The following F8 variants were observed in gnomAD, a reference collection of about 807,000 sequenced individuals.
F8 encodes the protein antihemophilic factor.
A neutral mutation model predicts 140.6 loss-of-function variants in F8; 12 were observed. The ratio of observed to expected loss-of-function variants is 0.09; its 90% CI spans 0.05 to 0.14. The LOEUF (loss-of-function observed/expected upper bound fraction) is 0.14, where lower values mean the gene tolerates loss of function less well. Ranked by LOEUF, F8 falls within the 10% of genes least tolerant of loss-of-function variation. F8 has a pLI of 1.00. For synonymous variants in F8, 585 were observed against 614.6 expected (o/e 0.95, Z 0.71); for missense variants, 1,354 against 1,720.7 (o/e 0.79, Z 3.77).
At chrX:155,008,364 T>C (rs1285933683) in intron 1 of F8, among the ~76,000 whole-genome samples, 19 of 111,978 alleles carry the variant, frequency 1.7e-4, no homozygotes, top group Non-Finnish European at 2.5e-4. Context: ...GAAAGGCCCC[T>C]GCAGCAGAAA....
chrX:154,953,162 A>G (rs1345435551), intron 12 of F8, among the ~76,000 whole-genome samples: 6 of 111,843 alleles, frequency 5.4e-5, no homozygotes, highest in African/African-American at 1.6e-4. Context: ...ACACATGTGT[A>G]TGTATGCAAT....
At chrX:154,997,861 G>GA (rs1219472286) in intron 2 of F8, among the ~76,000 whole-genome samples, 1 of 111,408 alleles carries the variant, frequency 9.0e-6, no homozygotes, top group Non-Finnish European at 1.9e-5. Context: ...TGTGGAGATA[G>GA]AAAAAAAGAG....
chrX:154,840,067 T>C (rs1557271265), intron 25 of F8, among the ~76,000 whole-genome samples: 1 of 112,155 alleles, frequency 8.9e-6, no homozygotes, highest in African/African-American at 3.2e-5. Context: ...CCATTATTGA[T>C]GATGCTAAGT....
chrX:154,931,765 T>A (rs904563336), intron 13 of F8, 89 bp from the exon 14 acceptor site: 3 of 785,104 alleles, frequency 3.8e-6, no homozygotes, highest in Admixed American at 5.1e-5. Context: ...CCCAGATAAA[T>A]GAAAAAATAC....
intron 13 of F8, 23 bp downstream of exon 13, chrX:154,947,675 A>G: frequency 8.6e-7 from 1 of 1,160,515 alleles, no homozygotes; most frequent in Middle Eastern, 2.6e-4. Context: ...AGCTGTTGGT[A>G]CAAGAAAAAT....
chrX:154,874,935 T>A (rs2072800747), intron 22 of F8, among the ~76,000 whole-genome samples: 1 of 112,032 alleles, frequency 8.9e-6, no homozygotes, highest in Non-Finnish European at 1.9e-5. Context: ...AGTCAAGATA[T>A]GGAAACAACC....
intron 25 of F8, among the ~76,000 whole-genome samples, chrX:154,841,060 A>C (rs1188768184): frequency 4.5e-5 from 5 of 111,406 alleles, no homozygotes; most frequent in Non-Finnish European, 9.4e-5. Flanking sequence ...GTGGCTTACT[A>C]GGTTTCTTAG....
At chrX:154,936,850 T>C (rs911877918) in intron 13 of F8, among the ~76,000 whole-genome samples, 4 of 111,760 alleles carry the variant, frequency 3.6e-5, no homozygotes, top group Non-Finnish European at 7.5e-5. Flanking sequence ...TCAACAAATT[T>C]CAAATGATTG....
intron 13 of F8, among the ~76,000 whole-genome samples, chrX:154,947,120 G>A (rs1163449248): frequency 9.3e-6 from 1 of 107,305 alleles, no homozygotes; most frequent in Non-Finnish European, 1.9e-5. Context: ...AGCTACTCGG[G>A]AGGCTGAGGC....
Position 154,982,001 on chromosome X carries a change from T to C in F8, c.787+2686A>G, listed in dbSNP as rs781862227. Among the ~76,000 whole-genome samples, 479 of 99,811 alleles carry C rather than the reference T, an allele frequency of 4.8e-3. 1 individual carries two copies. The highest frequency in any genetic ancestry group is 6.7e-3 in the Non-Finnish European group (328 of 49,272). 86.7% of individuals were successfully genotyped at this position (99,811 alleles called of 115,157 possible). A position where few individuals can be genotyped will look rare whatever the true frequency, so the allele number is the denominator to read the frequency against. On this transcript the variant is annotated intron_variant, in intron 6 of 25. Transcript: ENST00000360256. ...GAGTTCAAGACCGGCCTGGCAAACA[T>C]GGTGAAACCCCATCTCTACTAAAAC...
intron 14 of F8, chrX:154,919,139 T>C: frequency 8.9e-6 from 1 of 111,837 alleles, no homozygotes; most frequent in Non-Finnish European, 1.9e-5. Flanking sequence ...TTCATGATAC[T>C]TGTGTTATGA....
intron 6 of F8, among the ~76,000 whole-genome samples, chrX:154,983,275 T>C (rs2073539630): frequency 8.9e-6 from 1 of 112,260 alleles, no homozygotes; most frequent in African/African-American, 3.2e-5. Context: ...ACATATGTAA[T>C]TTGCCATCAT....
chrX:154,845,266 T>G (rs1418648583), intron 25 of F8, among the ~76,000 whole-genome samples: 1 of 111,112 alleles, frequency 9.0e-6, no homozygotes, highest in African/African-American at 3.3e-5. Flanking sequence ...TTTTTGTTGT[T>G]TCTCTGCCAG....
chrX:154,988,437 C>T (rs1256419005), intron 4 of F8, among the ~76,000 whole-genome samples: 2 of 111,676 alleles, frequency 1.8e-5, no homozygotes, highest in Non-Finnish European at 3.8e-5. Flanking sequence ...TTAAATATCA[C>T]CTAACCTCCA....
intron 25 of F8, among the ~76,000 whole-genome samples, chrX:154,843,840 G>C (rs1457088822): frequency 1.8e-5 from 2 of 111,694 alleles, no homozygotes; most frequent in African/African-American, 6.5e-5. Context: ...ATTGCTTTTG[G>C]TGTTTTAGAC....
rs1362623873 is a variant in F8 at position 154,941,277 on chromosome X, C to T, written c.2113+6421G>A. ...TGCTGTATTCAGGAAACCCATCTCA[C>T]GTGCAGAAACACACATAGCCTCAAA... On this transcript the variant is annotated intron_variant, in intron 13 of 25. Coordinates refer to ENST00000360256, the MANE Select transcript of F8 (RefSeq NM_000132.4). Among the ~76,000 whole-genome samples, 21 of 111,725 alleles carry T rather than the reference C, an allele frequency of 1.9e-4. No homozygotes were observed. The East Asian group carries it at 2.8e-3, about 15-fold the overall frequency.
At chrX:154,896,302 T>C in intron 21 of F8, 70 bp from the exon 22 acceptor site, 1 of 1,076,028 alleles carries the variant, frequency 9.3e-7, no homozygotes, top group South Asian at 1.8e-5. Flanking sequence ...AAACTAATTA[T>C]TAGCTTAGGA....
At chrX:154,854,860 G>A (rs782682413) in intron 25 of F8, among the ~76,000 whole-genome samples, 3 of 111,741 alleles carry the variant, frequency 2.7e-5, no homozygotes, top group East Asian at 2.8e-4. Flanking sequence ...GGCTGGGCGC[G>A]GTGGCTCACG....
intron 1 of F8, among the ~76,000 whole-genome samples, chrX:155,016,842 T>C (rs1412262547): frequency 8.9e-6 from 1 of 112,589 alleles, no homozygotes; most frequent in Admixed American, 9.4e-5. Flanking sequence ...TCAAAACTCA[T>C]CAAACTGCAT....
Sources: allele counts gnomAD v4.1 joint callset (sites outside exome capture counted in the v4.1 genomes callset), GRCh38; gene constraint gnomAD v4.1.1; transcripts MANE v1.5; gene names NCBI Gene and HGNC (gene_info 2026-07-23, HGNC 2026-07-21).